Variants in MANSC4 observed in about 807,000 individuals in gnomAD.
The protein encoded by MANSC4 is MANSC domain-containing protein 4.
MANSC4 carries 11 observed loss-of-function variants against 11.4 expected under a neutral mutation model. The observed-to-expected ratio is 0.97, with a 90% CI of 0.61 to 1.60. MANSC4 has a LOEUF of 1.60. Among genes scored for constraint, MANSC4 ranks in the 40% most tolerant of loss-of-function variants. The pLI, the probability that MANSC4 is intolerant of heterozygous loss-of-function variation, is 0.00. For missense variants in MANSC4, 354 were observed against 404.6 expected, an observed-to-expected ratio of 0.88 and a Z score of 1.07; for synonymous variants, 123 against 147.1, an observed-to-expected ratio of 0.84 and a Z score of 1.19.
At chr12:27,771,633 G>A (rs2062101456) in intron 1 of MANSC4, among the ~76,000 whole-genome samples, 51 bp from the exon 2 acceptor site, 2 of 152,186 alleles carry the variant, frequency 1.3e-5, no homozygotes, top group South Asian at 4.1e-4. Context: ...ATAAAGGCAA[G>A]TGGAAACCTT....
At position 27,763,007 on chromosome 12, in the gene MANSC4, G is replaced by C. The variant is rs1186602911; in HGVS notation, c.754C>G (p.Leu252Val). 1 of 1,551,616 alleles carries C rather than the reference G, an allele frequency of 6.4e-7. No homozygotes were observed. Among genetic ancestry groups the C allele is most frequent in the African/African-American group, 1.4e-5 (1 of 73,054 alleles). Residue 252 changes from leucine to valine, a missense_variant, in exon 4 of 4, where the codon CTC becomes GTC. Coordinates refer to ENST00000381273, the MANE Select transcript of MANSC4 (RefSeq NM_001146221.5). The stretch of plus-strand genomic sequence containing the variant: ...TTTAGTAATTGTTTGCTACTGTTGA[G>C]TCCAGGTGGAACAGGCATATGAGAA... Reference protein sequence around the residue: ...KLSHMPVPPGLNSSKQLLNKT... With the variant: ...KLSHMPVPPGVNSSKQLLNKT...
Position 27,763,147 on chromosome 12 carries a change from G to A in MANSC4, c.614C>T (p.Ser205Phe), listed in dbSNP as rs1011780692. 31 of 1,551,684 alleles carry A rather than the reference G, an allele frequency of 2.0e-5. No individual in the cohort carries two copies. Among genetic ancestry groups the A allele is most frequent in the Non-Finnish European group, 2.7e-5 (31 of 1,147,002 alleles). ...LTTDFWARFT[S>F]LNESITTKIN... is the part of the protein sequence containing the mutation. ...CTTTGTGGTAATGGACTCATTCAGGGAAGTAAATCTTGCCCAAAAATCTGT... is the reference window on the plus strand; with the variant it reads ...CTTTGTGGTAATGGACTCATTCAGGAAAGTAAATCTTGCCCAAAAATCTGT... Residue 205 changes from serine to phenylalanine, a missense_variant, in exon 4 of 4, where the codon TCC becomes TTC. Transcript: ENST00000381273.
At chr12:27,775,695 C>T (rs2062117207) in intron 1 of MANSC4, among the ~76,000 whole-genome samples, 1 of 152,078 alleles carries the variant, frequency 6.6e-6, no homozygotes, top group East Asian at 1.9e-4. Flanking sequence ...GGTCACTGCA[C>T]TGGCCTCCTA....
chr12:27,764,919 C>A (rs1348506582), intron 3 of MANSC4, among the ~76,000 whole-genome samples: 1 of 152,158 alleles, frequency 6.6e-6, no homozygotes, highest in Non-Finnish European at 1.5e-5. Context: ...CTAACTGTAA[C>A]CTTGAACTCC....
chr12:27,765,648 TTG>T (rs1328165252), intron 3 of MANSC4, among the ~76,000 whole-genome samples: 1 of 152,224 alleles, frequency 6.6e-6, no homozygotes, highest in African/African-American at 2.4e-5. Flanking sequence ...TTGTATTTAG[TTG>T]TGTCTTAACA....
intron 1 of MANSC4, among the ~76,000 whole-genome samples, chr12:27,772,692 G>A (rs1373740005): frequency 6.6e-6 from 1 of 152,140 alleles, no homozygotes; most frequent in Non-Finnish European, 1.5e-5. Context: ...AATTTCAGTT[G>A]CTCACCTGCA....
At chr12:27,765,621 G>A (rs1472446241) in intron 3 of MANSC4, among the ~76,000 whole-genome samples, 1 of 152,082 alleles carries the variant, frequency 6.6e-6, no homozygotes, top group Non-Finnish European at 1.5e-5. Context: ...TTTGCACTGA[G>A]GCAGCTTCAC....
chr12:27,770,903 A>C, intron 2 of MANSC4, 145 bp downstream of exon 2: 2 of 595,710 alleles, frequency 3.4e-6, no homozygotes, highest in Non-Finnish European at 5.8e-6. Context: ...TGGCTCTCTT[A>C]CCTCTCCCTC....
rs2062063818 is a variant in MANSC4 at position 27,764,624 on chromosome 12, T to G, written c.365-1228A>C. Reference sequence around the variant, plus strand: ...TCCAACACATACAAAGAGATTGTGCTCAATTGGCACCACTACATCAATGGT... The same window carrying G: ...TCCAACACATACAAAGAGATTGTGCGCAATTGGCACCACTACATCAATGGT... On this transcript the variant is annotated intron_variant, in intron 3 of 3. Coordinates refer to ENST00000381273, the MANE Select transcript of MANSC4 (RefSeq NM_001146221.5). Among the ~76,000 whole-genome samples, 4 of 152,282 alleles carry G rather than the reference T, an allele frequency of 2.6e-5. No individual in the cohort carries two copies. In the South Asian group the frequency reaches 8.3e-4, roughly 32 times the overall value.
chr12:27,778,074 A>C (rs1463233506), intron 1 of MANSC4, among the ~76,000 whole-genome samples: 1 of 151,796 alleles, frequency 6.6e-6, no homozygotes, highest in African/African-American at 2.4e-5. Context: ...AAAAATACAA[A>C]ATTAGCCGGG....
chr12:27,768,595 T>G (rs1422865484), intron 2 of MANSC4, among the ~76,000 whole-genome samples: 1 of 151,146 alleles, frequency 6.6e-6, no homozygotes, highest in Non-Finnish European at 1.5e-5. Context: ...TGCAGTGCAG[T>G]AGAGACCATG....
Position 27,771,979 on chromosome 12 carries a change from G to T in MANSC4, c.-306-397C>A, listed in dbSNP as rs1177971268. ...GACTGCTTGAGCCTGGGAGGTAGAG[G>T]TTGCAGTCAGCTGAGATGACACTAC... On this transcript the variant is annotated intron_variant, in intron 1 of 3. Transcript: ENST00000381273. Among the ~76,000 whole-genome samples the T allele has an allele frequency of 2.0e-5, 3 of 152,096 alleles. No individual in the cohort carries two copies. The East Asian group carries it at 5.8e-4, about 29-fold the overall frequency.
intron 2 of MANSC4, among the ~76,000 whole-genome samples, chr12:27,767,816 C>T (rs983852915): frequency 2.0e-5 from 3 of 152,098 alleles, no homozygotes; most frequent in Non-Finnish European, 2.9e-5. Flanking sequence ...GGAAAATACA[C>T]GGACAAATGC....
Position 27,763,126 on chromosome 12 carries a change from G to C in MANSC4, c.635C>G (p.Thr212Arg). 6.4e-7 allele frequency: 1 copy of C among 1,551,710 alleles called. No homozygotes were observed. Among genetic ancestry groups the C allele is most frequent in the Non-Finnish European group, 8.7e-7 (1 of 1,147,020 alleles). Residue 212 changes from threonine to arginine, a missense_variant, in exon 4 of 4, where the codon ACA (threonine) becomes AGA (arginine). Physicochemically the swap from Thr to Arg is moderately conservative, Grantham distance 71. Transcript: ENST00000381273. ...ACTTGGTGACACCTTATTTATCTTT[G>C]TGGTAATGGACTCATTCAGGGAAGT... ...RFTSLNESIT[T>R]KINKVSPSTD...
intron 2 of MANSC4, among the ~76,000 whole-genome samples, chr12:27,767,775 AAG>A (rs1227747501): frequency 1.3e-5 from 2 of 152,176 alleles, no homozygotes; most frequent in African/African-American, 4.8e-5. Flanking sequence ...TCAGAATACT[AAG>A]GGGCTGGGGG....
chr12:27,762,672 C>A lies in MANSC4; in HGVS notation c.*66G>T. On this transcript the variant is annotated 3_prime_UTR_variant, in exon 4 of 4. Transcript: ENST00000381273. ...AGCCTATTTTTTTTTTTTAACCAAA[C>A]TGCGTTTTCTTACACAAAACTAAAA... is the stretch of plus-strand genomic sequence containing the variant. 3.0e-6 allele frequency: 4 copies of A among 1,349,062 alleles called. No homozygotes were observed. The highest frequency in any genetic ancestry group is 3.9e-6 in the Non-Finnish European group (4 of 1,018,966). The allele number at this position is 1,349,062 out of a possible 1,614,324, so 83.6% of individuals were successfully genotyped here.
Position 27,771,168 on chromosome 12 carries a change from G to A in MANSC4, c.109C>T (p.Arg37Cys), listed in dbSNP as rs372470094. 50 of 1,552,050 alleles carry A rather than the reference G, an allele frequency of 3.2e-5. No homozygotes were observed. The African/African-American group carries it at 6.3e-4, about 20-fold the overall frequency. ...TIFYRDCWIRRFPGLLINLEE... is the reference protein window; with the variant it reads ...TIFYRDCWIRCFPGLLINLEE... ...AGATTGATTAGAAGACCTGGGAAGC[G>A]ACGGATCCAGCAGTCTCTGTAAAAA... The change falls in exon 2 of 4, where the codon CGC becomes TGC. Residue 37 changes from arginine to cysteine, a missense_variant. Coordinates refer to ENST00000381273, the MANE Select transcript of MANSC4 (RefSeq NM_001146221.5).
chr12:27,767,687 A>T (rs774248066), intron 2 of MANSC4, among the ~76,000 whole-genome samples: 1 of 152,056 alleles, frequency 6.6e-6, no homozygotes, highest in Non-Finnish European at 1.5e-5. Flanking sequence ...ACAAGAGCGA[A>T]ACTCCGTCTC....
chr12:27,762,922 A>G lies in MANSC4; in HGVS notation c.839T>C (p.Val280Ala), dbSNP rs759385681. The G allele has an allele frequency of 6.4e-7, 1 of 1,552,030 alleles. No individual in the cohort carries two copies. The highest frequency in any genetic ancestry group is 8.7e-7 in the Non-Finnish European group (1 of 1,147,136). Residue 280 changes from valine to alanine, a missense_variant, in exon 4 of 4, where the codon GTG becomes GCG. By Grantham distance (64) the Val-to-Ala change is moderately conservative. Transcript: ENST00000381273. ...AGAAACCAGCCAAGTCTTTGAAGTC[A>G]CAGATACCTCATCTTCATTTGCAGA... ...HTSANEDEVSVTSKTWLVSVA... is the reference protein window; with the variant it reads ...HTSANEDEVSATSKTWLVSVA...
Sources: allele counts gnomAD v4.1 joint callset (sites outside exome capture counted in the v4.1 genomes callset), GRCh38; gene constraint gnomAD v4.1.1; transcripts MANE v1.5; gene names NCBI Gene and HGNC (gene_info 2026-07-23, HGNC 2026-07-21).